TOP3B: variants seen among roughly 807,000 people sequenced by gnomAD.
TOP3B encodes the protein DNA topoisomerase 3-beta-1.
Under a neutral mutation model 93.9 loss-of-function variants are expected in TOP3B, and 45 were observed. The ratio of observed to expected loss-of-function variants is 0.48; its 90% CI spans 0.38 to 0.61. TOP3B has a LOEUF of 0.61. Among genes scored for constraint, TOP3B ranks in the 20% least tolerant of loss-of-function variants. The pLI, the probability that TOP3B is intolerant of heterozygous loss-of-function variation, is 0.00. For synonymous variants in TOP3B, 357 were observed against 472.6 expected (o/e 0.76, Z 3.17); for missense variants, 750 against 1,156.1 (o/e 0.65, Z 5.09).
chr22:21,962,591 C>A lies in TOP3B; in HGVS notation c.1363G>T (p.Val455Phe). ...AGGGGCACGCTCTGCCAGGGCATGA[C>A]CTCCGTGAAGCCTGGAGAGATATGC... ...KTVLSPGFTE[V>F]MPWQSVPLEE... The change falls in exon 13 of 18, where the codon GTC becomes TTC. Residue 455 changes from valine (V) to phenylalanine (F), a missense_variant. Physicochemically the swap from Val to Phe is conservative, Grantham distance 50. Around this residue, in one of 4 missense-constraint regions of TOP3B, gnomAD observed 737 missense variants for 933.7 expected, o/e 0.79. Coordinates refer to ENST00000357179, the MANE Select transcript of TOP3B (RefSeq NM_001282112.2). The A allele has an allele frequency of 1.9e-6, 3 of 1,613,158 alleles. No individual in the cohort carries two copies. The highest frequency in any genetic ancestry group is 1.7e-6 in the Non-Finnish European group (2 of 1,179,798).
At chr22:21,959,380 G>A in intron 15 of TOP3B, 148 bp from the exon 16 acceptor site, 2 of 1,484,776 alleles carry the variant, frequency 1.3e-6, no homozygotes, top group Non-Finnish European at 1.8e-6. Context: ...GCAGCCCTGT[G>A]CGTCAGAGGC....
chr22:21,964,104 TG>T (rs2071312939), intron 10 of TOP3B, 56 bp downstream of exon 10: 1 of 1,610,526 alleles, frequency 6.2e-7, no homozygotes, highest in Admixed American at 1.7e-5. Context: ...GTACCAGACC[TG>T]GTCCCAAGGC....
rs1274755758 is a variant in TOP3B, at chr22:21,971,564, G to C, written c.384+313C>G. ...TGAGAAGTCACGCTGGGCACAAGATGCTGAACACCAAGCTGCCCCAAGACA... is the reference window on the plus strand; with the variant it reads ...TGAGAAGTCACGCTGGGCACAAGATCCTGAACACCAAGCTGCCCCAAGACA... On this transcript the variant is annotated intron_variant, in intron 5 of 17. Transcript: ENST00000357179. The surrounding 1 kb of genome is among the most constrained non-coding windows in gnomAD (Gnocchi z 4.6). 2.4e-6 allele frequency: 1 copy of C among 413,430 alleles called. No individual in the cohort carries two copies. Among genetic ancestry groups the C allele is most frequent in the Non-Finnish European group, 4.6e-6 (1 of 218,446 alleles). 25.6% of individuals were successfully genotyped at this position (413,430 alleles called of 1,614,324 possible).
intron 13 of TOP3B, chr22:21,962,031 C>T: frequency 1.0e-6 from 1 of 952,822 alleles, no homozygotes; most frequent in East Asian, 6.2e-5. Flanking sequence ...AGGGAAGCAG[C>T]TCCTGTGAGA....
At chr22:21,967,775 G>A (rs1051377615) in intron 7 of TOP3B, 59 bp from the exon 8 acceptor site, 5 of 1,343,380 alleles carry the variant, frequency 3.7e-6, no homozygotes, top group South Asian at 3.5e-5. Context: ...TGAGCCCAAC[G>A]CCAGGAAGAA....
chr22:21,965,307 C>G lies in TOP3B; in HGVS notation c.921G>C (p.Leu307=). 6.2e-7 allele frequency: 1 copy of G among 1,601,320 alleles called. No homozygotes were observed. The highest frequency in any genetic ancestry group is 8.5e-7 in the Non-Finnish European group (1 of 1,173,390). The change falls in exon 9 of 18, where the codon CTG becomes CTC. Residue 307 remains leucine (L), a synonymous_variant. Coordinates refer to ENST00000357179, the MANE Select transcript of TOP3B (RefSeq NM_001282112.2). ...TACCCAGAGAAGAGCTGGCCACACG[C>G]AGCATCTCCACAGTGTTCAGGGCCA... is the stretch of plus-strand genomic sequence containing the variant. ...RPLALNTVEM[L]RVASSSLGMG...
intron 9 of TOP3B, chr22:21,964,672 T>A (rs1485167921): frequency 3.7e-6 from 1 of 271,284 alleles, no homozygotes; most frequent in Admixed American, 4.8e-5. Flanking sequence ...GCCATAACCA[T>A]ACCTCGGGGT....
In TOP3B at chr22:21,972,711, G is replaced by A. The variant is rs765755336; in HGVS notation, c.210C>T (p.Tyr70=). ...CGGGGTCCACTTTGTCCCATTTGTT[G>A]TATTTTCCTACAAACCAGTCACAGT... ...HVMTLDFLGK[Y]NKWDKVDPAE... is the part of the protein sequence containing the mutation. Residue 70 remains tyrosine (Y), a synonymous_variant, in exon 4 of 18, where the codon TAC becomes TAT. Transcript: ENST00000357179. The A allele has an allele frequency of 1.3e-5, 21 of 1,613,556 alleles. No homozygotes were observed. Among genetic ancestry groups the A allele is most frequent in the Non-Finnish European group, 1.6e-5 (19 of 1,179,800 alleles).
At chr22:21,964,524 A>G (rs2071338405) in intron 9 of TOP3B, 13 of 605,782 alleles carry the variant, frequency 2.1e-5, no homozygotes, top group Middle Eastern at 4.5e-4. Context: ...CCGCACCCGT[A>G]AGGCTGAATC....
At chr22:21,962,005 A>T in intron 13 of TOP3B, 1 of 780,626 alleles carries the variant, frequency 1.3e-6, no homozygotes, top group South Asian at 2.3e-5. Context: ...TGGGACAGGC[A>T]TTTCTGTTCT....
Position 21,962,506 on chromosome 22 carries a change from ATCT to A in TOP3B, c.1445_1447del (p.Lys482del). On this transcript the variant is annotated inframe_deletion, in exon 13 of 18. Transcript: ENST00000357179. The stretch of plus-strand genomic sequence containing the variant: ...GGGTGGGTTCGTCTGCTTCTCCAGC[ATCT>A]TCACCTCGCCCACAGGGAAGGCATC... The A allele has an allele frequency of 6.2e-7, 1 of 1,613,684 alleles. No individual in the cohort carries two copies. The highest frequency in any genetic ancestry group is 8.5e-7 in the Non-Finnish European group (1 of 1,179,998).
chr22:21,976,877 C>A (rs558206521), intron 1 of TOP3B: 27 of 152,108 alleles, frequency 1.8e-4, no homozygotes, highest in Admixed American at 5.2e-4. Context: ...CGTATTGAGA[C>A]AACTGGGAAA....
Position 21,975,789 on chromosome 22 carries a change from C to G in TOP3B, c.-80G>C. The G allele has an allele frequency of 2.6e-6, 4 of 1,515,526 alleles. No homozygotes were observed. The highest frequency in any genetic ancestry group is 2.7e-6 in the Non-Finnish European group (3 of 1,123,604). 93.9% of individuals were successfully genotyped at this position (1,515,526 alleles called of 1,614,324 possible). On this transcript the variant is annotated 5_prime_UTR_variant, in exon 2 of 18. Transcript: ENST00000357179. ...GACTCCACTCTTCCGCAGCACAGCA[C>G]TATTACCAATGCTGACTCCTAAAGA...
At chr22:21,962,634 C>A in intron 12 of TOP3B, 32 bp from the exon 13 acceptor site, 1 of 1,606,078 alleles carries the variant, frequency 6.2e-7, no homozygotes. Flanking sequence ...CTCAGGGTCC[C>A]CAGCCTGGGT....
chr22:21,962,392 A>G, intron 13 of TOP3B, 37 bp downstream of exon 13: 1 of 1,611,610 alleles, frequency 6.2e-7, no homozygotes, highest in Non-Finnish European at 8.5e-7. Flanking sequence ...AGTACTGGAG[A>G]CGGAGCCGGC....
chr22:21,958,799 C>T (rs2071040578), intron 16 of TOP3B, 106 bp from the exon 17 acceptor site: 1 of 1,429,134 alleles, frequency 7.0e-7, no homozygotes, highest in African/African-American at 1.4e-5. Flanking sequence ...CATGCAGAAC[C>T]TGTGACACAC....
chr22:21,960,125 A>G, intron 14 of TOP3B, 196 bp downstream of exon 14: 1 of 830,128 alleles, frequency 1.2e-6, no homozygotes, highest in African/African-American at 1.7e-5. Context: ...TCAGCCTTCA[A>G]ACACACTGAG....
At chr22:21,964,981 A>C in intron 9 of TOP3B, 1 of 250,404 alleles carries the variant, frequency 4.0e-6, no homozygotes, top group Non-Finnish European at 7.6e-6. Context: ...CCTCGTTACT[A>C]AGGAGAAAAG....
chr22:21,977,632 A>G (rs1486111911), intron 1 of TOP3B: 2 of 152,148 alleles, frequency 1.3e-5, no homozygotes, highest in Non-Finnish European at 2.9e-5. Flanking sequence ...CAGAACTACA[A>G]TGAGCTTGTG....
Sources: gnomAD v4.1 joint callset for allele counts on GRCh38, gnomAD v4.1.1 for gene constraint, gnomAD v4.1.1 regional missense constraint, Gnocchi (gnomAD v3.1) non-coding constraint, MANE v1.5 for transcripts, NCBI Gene and HGNC (gene_info 2026-07-23, HGNC 2026-07-21) for gene names.